TAOK3: variants seen among roughly 807,000 people sequenced by gnomAD.
The protein encoded by TAOK3 is serine/threonine-protein kinase TAO3.
A neutral mutation model predicts 120.4 loss-of-function variants in TAOK3; 40 were observed. The ratio of observed to expected loss-of-function variants is 0.33; its 90% confidence interval spans 0.26 to 0.43. The LOEUF is 0.43. TAOK3 is among the 20% of genes least tolerant of loss of function. TAOK3 has a pLI of 1.00. For synonymous variants in TAOK3, 355 were observed against 387.5 expected, an observed-to-expected ratio of 0.92 and a Z score of 0.99; for missense variants, 821 against 1,112.1, an observed-to-expected ratio of 0.74 and a Z score of 3.72.
In TAOK3 at chr12:118,339,275, C is replaced by CTTTTTTT. The variant is rs72009582; in HGVS notation, c.-194+33366_-194+33372dup. Among the ~76,000 whole-genome samples the CTTTTTTT allele has an allele frequency of 3.0e-4, 26 of 86,924 alleles. 4 individuals are homozygous for CTTTTTTT. Among genetic ancestry groups the CTTTTTTT allele is most frequent in the African/African-American group, 1.2e-3 (24 of 20,136 alleles). 57.0% of individuals were successfully genotyped at this position (86,924 alleles called of 152,430 possible). A position where few individuals can be genotyped will look rare whatever the true frequency, so the allele number is the denominator to read the frequency against. ...TGAAAATTCTCCGTTCTTCATCATACTTTTTTTTTTTTTTTTTTTTTTTTT... is the reference window on the plus strand; with the variant it reads ...TGAAAATTCTCCGTTCTTCATCATACTTTTTTTTTTTTTTTTTTTTTTTTTTTTTTTT... On this transcript the variant is annotated intron_variant, in intron 1 of 20. Transcript: ENST00000392533.
chr12:118,243,155 A>C (rs1187424797), intron 5 of TAOK3, among the ~76,000 whole-genome samples: 1 of 152,124 alleles, frequency 6.6e-6, no homozygotes, highest in Non-Finnish European at 1.5e-5. Context: ...ACAAACAAAT[A>C]ATTATAAAAT....
At position 118,246,151 on chromosome 12, in the gene TAOK3, G is replaced by A; in HGVS notation, c.121-1186C>T. The A allele has an allele frequency of 2.8e-6, 4 of 1,438,936 alleles. No homozygotes were observed. The South Asian group carries it at 4.9e-5, about 18-fold the overall frequency. 89.1% of individuals were successfully genotyped at this position (1,438,936 alleles called of 1,614,324 possible). On this transcript the variant is annotated intron_variant, in intron 3 of 20. Coordinates refer to ENST00000392533, the MANE Select transcript of TAOK3 (RefSeq NM_016281.4). ...GGTGGCCCTGGGATGGGGAACCGCG[G>A]TGGCTTCCGCGGAGGTTTCGGCAGT...
At chr12:118,368,284 C>T (rs2045796957) in intron 1 of TAOK3, among the ~76,000 whole-genome samples, 1 of 152,050 alleles carries the variant, frequency 6.6e-6, no homozygotes, top group South Asian at 2.1e-4. Context: ...GCAAGCTCCG[C>T]CTCCCGGATT....
At chr12:118,358,215 T>C (rs2045472474) in intron 1 of TAOK3, among the ~76,000 whole-genome samples, 1 of 152,244 alleles carries the variant, frequency 6.6e-6, no homozygotes, top group African/African-American at 2.4e-5. Context: ...ATTCATTTTA[T>C]GGACTATAGT....
chr12:118,302,345 C>T (rs965197779), intron 1 of TAOK3, among the ~76,000 whole-genome samples: 4 of 152,200 alleles, frequency 2.6e-5, no homozygotes, highest in Admixed American at 2.6e-4. Flanking sequence ...TTGTCCACTG[C>T]TGAAGGCAGT....
chr12:118,193,309 A>AAAGTG (rs957395904), intron 13 of TAOK3, among the ~76,000 whole-genome samples: 5 of 152,068 alleles, frequency 3.3e-5, no homozygotes, highest in Non-Finnish European at 7.4e-5. Context: ...TTGGCCTCTC[A>AAAGTG]AAGTGCTAGG....
chr12:118,154,688 G>A (rs2034680276), intron 19 of TAOK3, among the ~76,000 whole-genome samples: 1 of 152,128 alleles, frequency 6.6e-6, no homozygotes, highest in Non-Finnish European at 1.5e-5. Context: ...TGATCCGCCT[G>A]CCTTGGCCTC....
chr12:118,330,940 A>T (rs559666835), intron 1 of TAOK3, among the ~76,000 whole-genome samples: 2 of 152,278 alleles, frequency 1.3e-5, no homozygotes, highest in South Asian at 4.1e-4. Flanking sequence ...ATGAAGAACA[A>T]GAATATGGAA....
At chr12:118,196,485 C>G (rs777411008) in intron 13 of TAOK3, among the ~76,000 whole-genome samples, 1 of 151,986 alleles carries the variant, frequency 6.6e-6, no homozygotes, top group African/African-American at 2.4e-5. Flanking sequence ...CCACTGCACT[C>G]CAGCCTGGGC....
intron 14 of TAOK3, among the ~76,000 whole-genome samples, chr12:118,183,350 GCC>G (rs1236485848): frequency 1.3e-5 from 2 of 152,178 alleles, no homozygotes. Flanking sequence ...TTAAACATTA[GCC>G]AAACTTTGAA....
At chr12:118,309,524 T>C (rs77591164) in intron 1 of TAOK3, among the ~76,000 whole-genome samples, 3,084 of 151,814 alleles carry the variant, frequency 0.02, 108 homozygotes, top group African/African-American at 0.071. Context: ...TTCTTTCCTT[T>C]TTTTTTTTGA....
At chr12:118,167,473 A>T (rs767777601) in intron 17 of TAOK3, among the ~76,000 whole-genome samples, 12 of 150,922 alleles carry the variant, frequency 8.0e-5, no homozygotes, top group Non-Finnish European at 1.6e-4. Flanking sequence ...ACTTCAACAA[A>T]ATGTCCACCG....
chr12:118,325,511 C>A (rs1022157289), intron 1 of TAOK3, among the ~76,000 whole-genome samples: 2 of 152,060 alleles, frequency 1.3e-5, no homozygotes, highest in African/African-American at 2.4e-5. Flanking sequence ...TACCTGTTGG[C>A]CATTTTTATG....
Position 118,213,038 on chromosome 12 carries a change from T to C in TAOK3, c.738-43A>G, listed in dbSNP as rs756230908. The C allele has an allele frequency of 4.0e-6, 5 of 1,264,592 alleles. No homozygotes were observed. In the African/African-American group the frequency reaches 6.1e-5, roughly 15 times the overall value. The allele number at this position is 1,264,592 out of a possible 1,614,324, so 78.3% of individuals were successfully genotyped here. ...CAAAAGAAAATAAACTCAGGGTCTG[T>C]AGAGCACACTGATTACTTAAAACAA... is the stretch of plus-strand genomic sequence containing the variant. On this transcript the variant is annotated intron_variant, in intron 10 of 20. Transcript: ENST00000392533.
At chr12:118,221,828 G>A (rs1002233271) in intron 9 of TAOK3, among the ~76,000 whole-genome samples, 7 of 151,048 alleles carry the variant, frequency 4.6e-5, no homozygotes, top group Admixed American at 1.3e-4. Context: ...TAGAGATGGG[G>A]TTTCACTGTG....
chr12:118,228,153 C>CTTTT (rs753232720), intron 9 of TAOK3, among the ~76,000 whole-genome samples: 3 of 138,154 alleles, frequency 2.2e-5, no homozygotes, highest in Non-Finnish European at 4.7e-5. Context: ...TATATATACT[C>CTTTT]TTTTTTTTTT....
intron 13 of TAOK3, among the ~76,000 whole-genome samples, chr12:118,191,645 C>G (rs1219114361): frequency 6.6e-6 from 1 of 152,088 alleles, no homozygotes. Flanking sequence ...TACATGATTT[C>G]TCGCGAAATT....
chr12:118,275,472 A>G (rs779967162), intron 1 of TAOK3, among the ~76,000 whole-genome samples: 7 of 152,214 alleles, frequency 4.6e-5, no homozygotes, highest in Non-Finnish European at 8.8e-5. Context: ...ATTCTGTTAT[A>G]TAAAGAATGT....
intron 11 of TAOK3, among the ~76,000 whole-genome samples, chr12:118,212,193 G>C (rs1025313118): frequency 2.0e-5 from 3 of 152,164 alleles, no homozygotes; most frequent in African/African-American, 7.2e-5. Context: ...ATAAAAGCCA[G>C]CCATTCTAGA....
Sources: allele counts gnomAD v4.1 joint callset (sites outside exome capture counted in the v4.1 genomes callset), GRCh38; gene constraint gnomAD v4.1.1; transcripts MANE v1.5; gene names NCBI Gene and HGNC (gene_info 2026-07-23, HGNC 2026-07-21).